PKNOX2: variants seen among roughly 807,000 people sequenced by gnomAD.
PKNOX2 encodes the protein homeobox protein PKNOX2.
Under a neutral mutation model 53.1 loss-of-function variants are expected in PKNOX2, and 14 were observed. The ratio of observed to expected loss-of-function variants is 0.26; its 90% CI spans 0.17 to 0.41. PKNOX2 has a LOEUF of 0.41. Ranked by LOEUF, PKNOX2 falls within the 10% of genes least tolerant of loss-of-function variation. The pLI, the probability that PKNOX2 is intolerant of heterozygous loss-of-function variation, is 1.00. For missense variants in PKNOX2, 496 were observed against 602.8 expected, an observed-to-expected ratio of 0.82 and a Z score of 1.85; for synonymous variants, 257 against 242.8, an observed-to-expected ratio of 1.06 and a Z score of -0.54.
At chr11:125,212,710 G>T (rs1196370542) in intron 1 of PKNOX2, among the ~76,000 whole-genome samples, 1 of 151,848 alleles carries the variant, frequency 6.6e-6, no homozygotes, top group East Asian at 1.9e-4. Context: ...TGGAGAGGAG[G>T]CAGGATCCAT....
At chr11:125,430,445 C>T (rs999326821) in intron 12 of PKNOX2, among the ~76,000 whole-genome samples, 2 of 152,206 alleles carry the variant, frequency 1.3e-5, no homozygotes, top group African/African-American at 4.8e-5. Context: ...AGTATCTGCA[C>T]AGCTCTTCAG....
intron 7 of PKNOX2, among the ~76,000 whole-genome samples, chr11:125,407,058 C>A (rs1302076046): frequency 6.6e-6 from 1 of 152,028 alleles, no homozygotes; most frequent in African/African-American, 2.4e-5. Context: ...CCCTGCCCCA[C>A]CTAAAACGTT....
chr11:125,348,533 T>C (rs1221982695), intron 3 of PKNOX2, among the ~76,000 whole-genome samples: 1 of 152,250 alleles, frequency 6.6e-6, no homozygotes, highest in East Asian at 1.9e-4. Context: ...GACGCGGGTC[T>C]GGCCCTGCTC....
chr11:125,264,658 CT>C (rs1045479184), intron 2 of PKNOX2, among the ~76,000 whole-genome samples: 2 of 151,974 alleles, frequency 1.3e-5, no homozygotes, highest in Non-Finnish European at 2.9e-5. Flanking sequence ...GGGCCTAGTT[CT>C]CCCTTCCCCA....
chr11:125,368,293 AC>A (rs1952305073), intron 5 of PKNOX2, among the ~76,000 whole-genome samples: 2 of 151,958 alleles, frequency 1.3e-5, no homozygotes, highest in Non-Finnish European at 2.9e-5. Flanking sequence ...CTGCCTCAGG[AC>A]CCTTTCCTCG....
chr11:125,414,630 A>G (rs1292099258), intron 10 of PKNOX2, among the ~76,000 whole-genome samples: 1 of 152,186 alleles, frequency 6.6e-6, no homozygotes, highest in Non-Finnish European at 1.5e-5. Flanking sequence ...AAGAGGCTAT[A>G]AAGGCTCTTC....
intron 5 of PKNOX2, among the ~76,000 whole-genome samples, chr11:125,383,373 G>A (rs1345848975): frequency 2.0e-5 from 3 of 151,266 alleles, no homozygotes; most frequent in Admixed American, 2.0e-4. Context: ...ACTTTGGGAG[G>A]CCAAGGCAGG....
At chr11:125,336,592 C>T (rs1022290642) in intron 3 of PKNOX2, among the ~76,000 whole-genome samples, 1 of 147,762 alleles carries the variant, frequency 6.8e-6, no homozygotes, top group Non-Finnish European at 1.5e-5. Flanking sequence ...GACTAAATAA[C>T]ACATACCATA....
intron 2 of PKNOX2, among the ~76,000 whole-genome samples, chr11:125,250,108 G>T (rs1325472722): frequency 6.8e-6 from 1 of 146,914 alleles, no homozygotes; most frequent in Non-Finnish European, 1.5e-5. Flanking sequence ...AGACATGGGA[G>T]TCTCACTATG....
intron 2 of PKNOX2, among the ~76,000 whole-genome samples, chr11:125,262,957 T>C (rs1000942200): frequency 3.3e-5 from 5 of 152,140 alleles, no homozygotes; most frequent in African/African-American, 1.2e-4. Flanking sequence ...CTCCCCGAGG[T>C]TGTGCCGGGA....
intron 6 of PKNOX2, among the ~76,000 whole-genome samples, chr11:125,386,713 A>AAC (rs3138544): frequency 0.044 from 6,163 of 141,080 alleles, 150 homozygotes; most frequent in East Asian, 0.084. Flanking sequence ...GAAGAAAAAG[A>AAC]ACACACACAC....
chr11:125,375,372 C>T (rs1322989484), intron 5 of PKNOX2, among the ~76,000 whole-genome samples: 1 of 152,144 alleles, frequency 6.6e-6, no homozygotes, highest in African/African-American at 2.4e-5. Flanking sequence ...GCTTGGACCC[C>T]AGGATGTGTA....
In PKNOX2 at chr11:125,240,836, G is replaced by C. The variant is rs1393797502; in HGVS notation, c.-130+5721G>C. Among the ~76,000 whole-genome samples the C allele has an allele frequency of 1.3e-5, 2 of 152,190 alleles. No homozygotes were observed. The highest frequency in any genetic ancestry group is 6.5e-5 in the Admixed American group (1 of 15,290). On this transcript the variant is annotated intron_variant, in intron 2 of 12. Transcript: ENST00000298282. This position sits in a 1 kb window ranked among gnomAD's most constrained non-coding sequence, Gnocchi z 4.3. Reference sequence around the variant, plus strand: ...CTCCTCTTGCCTTTGCAGTTAGCCAGCCAAGCTGGCTCTTCAGAGAGGAAA... The same window carrying C: ...CTCCTCTTGCCTTTGCAGTTAGCCACCCAAGCTGGCTCTTCAGAGAGGAAA...
chr11:125,308,358 G>A (rs1948595705), intron 2 of PKNOX2, among the ~76,000 whole-genome samples: 1 of 152,146 alleles, frequency 6.6e-6, no homozygotes, highest in Admixed American at 6.5e-5. Flanking sequence ...CCAACCCTAG[G>A]GCTTTCCTTT....
chr11:125,288,868 C>T (rs182075724), intron 2 of PKNOX2, among the ~76,000 whole-genome samples: 4 of 152,328 alleles, frequency 2.6e-5, no homozygotes, highest in African/African-American at 9.6e-5. Context: ...GTGCTTTGTA[C>T]GTATTTCTTA....
At chr11:125,203,847 C>A (rs1254668608) in intron 1 of PKNOX2, among the ~76,000 whole-genome samples, 1 of 152,198 alleles carries the variant, frequency 6.6e-6, no homozygotes, top group African/African-American at 2.4e-5. Context: ...ATGGGTAAAA[C>A]TCAGAGCTCC....
intron 9 of PKNOX2, chr11:125,411,393 C>T: frequency 2.5e-6 from 1 of 395,230 alleles, no homozygotes; most frequent in Non-Finnish European, 4.8e-6. Flanking sequence ...ATGCTGATAA[C>T]TACTTGACAG....
At chr11:125,301,009 G>A (rs1009475448) in intron 2 of PKNOX2, among the ~76,000 whole-genome samples, 4 of 152,098 alleles carry the variant, frequency 2.6e-5, no homozygotes, top group South Asian at 2.1e-4. Flanking sequence ...CTCTATCCTC[G>A]TCCCCTCCTC....
chr11:125,196,623 C>A (rs1226666455), intron 1 of PKNOX2, among the ~76,000 whole-genome samples: 3 of 152,184 alleles, frequency 2.0e-5, no homozygotes, highest in African/African-American at 4.8e-5. Flanking sequence ...TGAAGCCAAA[C>A]CTGGGTCAAA....
Sources: gnomAD v4.1 joint callset for allele counts (sites outside exome capture counted in the v4.1 genomes callset) on GRCh38, gnomAD v4.1.1 for gene constraint, Gnocchi (gnomAD v3.1) non-coding constraint, MANE v1.5 for transcripts, NCBI Gene and HGNC (gene_info 2026-07-23, HGNC 2026-07-21) for gene names.